DAB1: variants seen among roughly 807,000 people sequenced by gnomAD.
DAB1 encodes the protein DAB adaptor protein 1, also known as disabled homolog 1.
DAB1 carries 15 observed loss-of-function variants against 64.6 expected under a neutral mutation model. The ratio of observed to expected loss-of-function variants is 0.23; its 90% confidence interval spans 0.16 to 0.36. The LOEUF (loss-of-function observed/expected upper bound fraction) is 0.36. DAB1 is among the 10% of genes least tolerant of loss of function. The pLI is 1.00. For synonymous variants in DAB1, 235 were observed against 251.9 expected (o/e 0.93, Z 0.64); for missense variants, 596 against 706.7 (o/e 0.84, Z 1.78).
chr1:57,890,462 T>C (rs1316946902), intron 5 of DAB1, among the ~76,000 whole-genome samples: 1 of 149,706 alleles, frequency 6.7e-6, no homozygotes, highest in Non-Finnish European at 1.5e-5. Context: ...TTTTCTTTTT[T>C]TTTTTTTTCT....
At chr1:57,776,142 C>T (rs1442374611) in intron 6 of DAB1, among the ~76,000 whole-genome samples, 1 of 151,594 alleles carries the variant, frequency 6.6e-6, no homozygotes, top group East Asian at 1.9e-4. Context: ...TTGAGTATCC[C>T]TAATCTAACA....
chr1:58,442,828 T>C (rs891639815), intron 3 of DAB1, among the ~76,000 whole-genome samples: 1 of 152,128 alleles, frequency 6.6e-6, no homozygotes, highest in African/African-American at 2.4e-5. Flanking sequence ...GAGGCTGCAG[T>C]AAGCTGTGTT....
At chr1:57,128,689 T>C (rs796813293) in intron 4 of DAB1, among the ~76,000 whole-genome samples, 6 of 152,238 alleles carry the variant, frequency 3.9e-5, no homozygotes, top group African/African-American at 1.4e-4. Flanking sequence ...AATTTGAGGC[T>C]CTGGATCTTT....
chr1:57,691,294 GT>G (rs1214463987), intron 6 of DAB1, among the ~76,000 whole-genome samples: 2 of 152,068 alleles, frequency 1.3e-5, no homozygotes, highest in Admixed American at 6.5e-5. Flanking sequence ...TCAGCACTCT[GT>G]GAAAACTCAC....
intron 1 of DAB1, among the ~76,000 whole-genome samples, chr1:57,330,854 C>T (rs939133076): frequency 5.9e-5 from 9 of 152,110 alleles, no homozygotes; most frequent in African/African-American, 9.7e-5. Context: ...GGCAGCTTGA[C>T]CCCTGCTTAG....
intron 4 of DAB1, among the ~76,000 whole-genome samples, chr1:58,195,626 C>A (rs1219278453): frequency 2.0e-5 from 3 of 152,186 alleles, no homozygotes; most frequent in African/African-American, 7.2e-5. Flanking sequence ...TTAACTTACT[C>A]ATCTATTCAA....
intron 1 of DAB1, among the ~76,000 whole-genome samples, chr1:57,296,484 C>T (rs1673201351): frequency 6.6e-6 from 1 of 152,006 alleles, no homozygotes; most frequent in African/African-American, 2.4e-5. Flanking sequence ...TATTTCAGAG[C>T]TGGCGCATGG....
chr1:57,967,929 G>A (rs529228226), intron 5 of DAB1, among the ~76,000 whole-genome samples: 8 of 152,144 alleles, frequency 5.3e-5, no homozygotes, highest in South Asian at 4.2e-4. Flanking sequence ...TTGCATTTTC[G>A]TATATAAAAC....
At chr1:57,602,441 T>C (rs930635207) in intron 7 of DAB1, among the ~76,000 whole-genome samples, 39 of 152,134 alleles carry the variant, frequency 2.6e-4, no homozygotes, top group African/African-American at 9.2e-4. Context: ...ATTTTCCTCC[T>C]AGGTGTTGAG....
intron 4 of DAB1, among the ~76,000 whole-genome samples, chr1:57,100,611 C>A (rs1278854089): frequency 6.6e-6 from 1 of 152,154 alleles, no homozygotes. Context: ...ATGTTAAAGT[C>A]ATTGAAACAC....
intron 5 of DAB1, among the ~76,000 whole-genome samples, chr1:57,900,727 C>T (rs941246461): frequency 6.6e-6 from 1 of 152,178 alleles, no homozygotes; most frequent in Non-Finnish European, 1.5e-5. Flanking sequence ...GATGGGTCCC[C>T]TTGATGATAA....
At chr1:57,996,258 C>CA (rs1439701129) in intron 5 of DAB1, among the ~76,000 whole-genome samples, 2 of 151,300 alleles carry the variant, frequency 1.3e-5, no homozygotes, top group Admixed American at 6.6e-5. Context: ...GACTTTGTCT[C>CA]AAAAAAAGAA....
intron 7 of DAB1, among the ~76,000 whole-genome samples, chr1:57,560,602 A>C (rs1487071943): frequency 6.6e-6 from 1 of 152,190 alleles, no homozygotes; most frequent in Non-Finnish European, 1.5e-5. Flanking sequence ...ACTCCAGCCC[A>C]TTTATTTAGT....
intron 2 of DAB1, among the ~76,000 whole-genome samples, chr1:57,281,991 G>A (rs763582040): frequency 4.3e-4 from 66 of 151,878 alleles, no homozygotes; most frequent in South Asian, 8.3e-4. Context: ...AGACCAGCCT[G>A]GCCAACATGG....
At chr1:57,050,546 C>T (rs1166850997) in intron 9 of DAB1, among the ~76,000 whole-genome samples, 6 of 152,310 alleles carry the variant, frequency 3.9e-5, no homozygotes, top group East Asian at 3.9e-4. Flanking sequence ...ACATTCAGTT[C>T]CTTCTTCCTG....
At chr1:58,412,095 C>T (rs1182159389) in intron 3 of DAB1, among the ~76,000 whole-genome samples, 1 of 152,164 alleles carries the variant, frequency 6.6e-6, no homozygotes, top group African/African-American at 2.4e-5. Flanking sequence ...CACTGAGCCA[C>T]CCAGAGTCCT....
intron 1 of DAB1, among the ~76,000 whole-genome samples, chr1:57,393,772 C>T (rs893929667): frequency 6.6e-6 from 1 of 152,196 alleles, no homozygotes; most frequent in African/African-American, 2.4e-5. Flanking sequence ...AACACACTCA[C>T]TTGTGTATTT....
chr1:58,508,389 T>C (rs1028249170), intron 2 of DAB1, among the ~76,000 whole-genome samples: 17 of 152,292 alleles, frequency 1.1e-4, no homozygotes, highest in Admixed American at 4.6e-4. Flanking sequence ...ATGAACACAC[T>C]GATTCAACGA....
intron 5 of DAB1, among the ~76,000 whole-genome samples, chr1:58,111,144 T>C (rs1012242440): frequency 2.0e-5 from 3 of 152,188 alleles, no homozygotes; most frequent in Non-Finnish European, 4.4e-5. Flanking sequence ...CAAATTCAGA[T>C]GGCACCCTAG....
Sources: gnomAD v4.1 joint callset for allele counts (sites outside exome capture counted in the v4.1 genomes callset) on GRCh38, gnomAD v4.1.1 for gene constraint, MANE v1.5 for transcripts, NCBI Gene and HGNC (gene_info 2026-07-23, HGNC 2026-07-21) for gene names.